MAL2: variants seen among roughly 807,000 people sequenced by gnomAD.
The protein encoded by MAL2 is protein MAL2.
Under a neutral mutation model 18.1 loss-of-function variants are expected in MAL2, and 17 were observed. The observed-to-expected ratio is 0.94, with a 90% CI of 0.64 to 1.41. MAL2 has a LOEUF of 1.41. MAL2 is among the 40% of genes most tolerant of loss of function. The pLI is 0.00. For synonymous variants in MAL2, 102 were observed against 102.3 expected (o/e 1.00, Z 0.02); for missense variants, 222 against 231.9 (o/e 0.96, Z 0.28).
At chr8:119,209,068 TG>T (rs147089382) in intron 1 of MAL2, 56,576 of 164,600 alleles carry the variant, frequency 0.34, 10,630 homozygotes, top group Non-Finnish European at 0.44. Flanking sequence ...CTGTGGAAAG[TG>T]GGGGCGGGAG....
Position 119,208,619 on chromosome 8 carries a change from C to CGGAGCGAGGGTCGCGCGG in MAL2, c.132+25_132+42dup. 1 of 1,306,584 alleles carries CGGAGCGAGGGTCGCGCGG rather than the reference C, an allele frequency of 7.7e-7. No homozygotes were observed. The highest frequency in any genetic ancestry group is 9.7e-7 in the Non-Finnish European group (1 of 1,025,720). 80.9% of individuals were successfully genotyped at this position (1,306,584 alleles called of 1,614,324 possible). A position where few individuals can be genotyped will look rare whatever the true frequency, so the allele number is the denominator to read the frequency against. On this transcript the variant is annotated intron_variant, in intron 1 of 3. Transcript: ENST00000614891. The surrounding 1 kb of genome is among the most constrained non-coding windows in gnomAD (Gnocchi z 4.3). ...GCCTGGAGATTGTAAGTGGGGCCGC[C>CGGAGCGAGGGTCGCGCGG]GGAGCGAGGGTCGCGCGGGGAGCGA...
rs918947010 is a variant in MAL2, at chr8:119,221,514, T to C, written c.133-73T>C. 7.7e-6 allele frequency: 12 copies of C among 1,567,566 alleles called. 1 individual carries two copies. In the East Asian group the frequency reaches 2.7e-4, roughly 35 times the overall value. Reference sequence around the variant, plus strand: ...AAAATGAAGGCAATGCTGAGGGTAATACAAGCATGTTTAATTCTGTTGTGT... The same window carrying C: ...AAAATGAAGGCAATGCTGAGGGTAACACAAGCATGTTTAATTCTGTTGTGT... On this transcript the variant is annotated intron_variant, in intron 1 of 3. Coordinates refer to ENST00000614891, the MANE Select transcript of MAL2 (RefSeq NM_052886.3).
In MAL2 at chr8:119,208,367, C is replaced by T. The variant is rs1817214551; in HGVS notation, c.-106C>T. ...CCACGCCTCCTCCCGCGCGGCGCGC[C>T]CGGAGCCCGCGGAGCTGAGCGGCGG... On this transcript the variant is annotated 5_prime_UTR_variant, in exon 1 of 4. Transcript: ENST00000614891. This position sits in a 1 kb window ranked among gnomAD's most constrained non-coding sequence, Gnocchi z 4.3. 3 of 579,560 alleles carry T rather than the reference C, an allele frequency of 5.2e-6. No homozygotes were observed. The highest frequency in any genetic ancestry group is 2.8e-4 in the East Asian group (2 of 7,172). The allele number at this position is 579,560 out of a possible 1,614,324, so 35.9% of individuals were successfully genotyped here.
Position 119,221,722 on chromosome 8 carries a change from A to G in MAL2, c.268A>G (p.Met90Val), listed in dbSNP as rs1287818194. 2.5e-6 allele frequency: 4 copies of G among 1,613,832 alleles called. No homozygotes were observed. Among genetic ancestry groups the G allele is most frequent in the African/African-American group, 1.3e-5 (1 of 75,022 alleles). ...CTTTCTGGGCATGTTCCTCTCTGGCATGGTGGCTCAAATTGATGCTAACTG... is the reference window on the plus strand; with the variant it reads ...CTTTCTGGGCATGTTCCTCTCTGGCGTGGTGGCTCAAATTGATGCTAACTG... ...LLFLGMFLSG[M>V]VAQIDANWNF... is the part of the protein sequence containing the mutation. The change falls in exon 2 of 4, where the codon ATG becomes GTG. Residue 90 changes from methionine (M) to valine (V), a missense_variant. Transcript: ENST00000614891.
intron 1 of MAL2, among the ~76,000 whole-genome samples, chr8:119,216,869 G>A (rs1817364247): frequency 1.3e-5 from 2 of 152,162 alleles, no homozygotes. Flanking sequence ...ATACTAAGAT[G>A]GAGGTGTCAA....
chr8:119,243,266 CAA>C (rs201266588), intron 3 of MAL2, 149 bp from the exon 4 acceptor site: 5,717 of 444,238 alleles, frequency 0.013, 224 homozygotes, highest in African/African-American at 0.1. Flanking sequence ...TACAAATCAT[CAA>C]AAAAAAAAAA....
intron 1 of MAL2, among the ~76,000 whole-genome samples, chr8:119,210,070 G>A (rs1287388726): frequency 1.3e-5 from 2 of 152,178 alleles, no homozygotes; most frequent in Middle Eastern, 3.4e-3. Context: ...TGCCATATCC[G>A]CATTCCACCT....
Position 119,227,139 on chromosome 8 carries a change from A to G in MAL2, c.303+5382A>G, listed in dbSNP as rs140265175. ...GTCAAAGAGTTTGTTGTAGTAGACA[A>G]TGTAAGTAAATTGTTACAAAATTAA... On this transcript the variant is annotated intron_variant, in intron 2 of 3. Transcript: ENST00000614891. 5.9e-5 allele frequency among the ~76,000 whole-genome samples: 9 copies of G among 152,352 alleles called. No homozygotes were observed. In the East Asian group the frequency reaches 1.5e-3, roughly 26 times the overall value.
At position 119,237,040 on chromosome 8, in the gene MAL2, C is replaced by T. The variant is rs541765689; in HGVS notation, c.304-3125C>T. ...GAAAGGATCAACAAAATTGATAGAC[C>T]GCTAGCAAGACTAATAAAGAAAAAA... On this transcript the variant is annotated intron_variant, in intron 2 of 3. Coordinates refer to ENST00000614891, the MANE Select transcript of MAL2 (RefSeq NM_052886.3). Among the ~76,000 whole-genome samples, 719 of 151,920 alleles carry T rather than the reference C, an allele frequency of 4.7e-3. 7 individuals carry two copies. The highest frequency in any genetic ancestry group is 0.012 in the African/African-American group (489 of 41,344).
At chr8:119,241,999 A>T (rs1818057020) in intron 3 of MAL2, among the ~76,000 whole-genome samples, 1 of 152,150 alleles carries the variant, frequency 6.6e-6, no homozygotes, top group Non-Finnish European at 1.5e-5. Flanking sequence ...CCTTGGTTTT[A>T]ACAGCTTTAC....
chr8:119,234,768 C>G (rs1817837955), intron 2 of MAL2, among the ~76,000 whole-genome samples: 1 of 151,294 alleles, frequency 6.6e-6, no homozygotes, highest in African/African-American at 2.5e-5. Context: ...AGAAGGAAAA[C>G]TAACAAACAG....
chr8:119,211,742 C>A (rs1002289194), intron 1 of MAL2, among the ~76,000 whole-genome samples: 4 of 147,044 alleles, frequency 2.7e-5, no homozygotes, highest in Non-Finnish European at 4.5e-5. Flanking sequence ...GTGTGTTCCA[C>A]TCCTGGATAC....
chr8:119,236,590 C>G (rs1156914753), intron 2 of MAL2, among the ~76,000 whole-genome samples: 1 of 151,714 alleles, frequency 6.6e-6, no homozygotes, highest in Non-Finnish European at 1.5e-5. Context: ...TTATAACAAA[C>G]TCTCTCAGAC....
At chr8:119,239,796 A>T (rs2129918435) in intron 2 of MAL2, among the ~76,000 whole-genome samples, 1 of 152,150 alleles carries the variant, frequency 6.6e-6, no homozygotes, top group Middle Eastern at 3.4e-3. Flanking sequence ...TAGGAGATAT[A>T]CCTAATGCTA....
chr8:119,221,792 G>T, intron 2 of MAL2, 35 bp downstream of exon 2: 1 of 1,603,726 alleles, frequency 6.2e-7, no homozygotes. Context: ...ATTGCAGGAA[G>T]ATGGGAGAAA....
chr8:119,231,101 G>C (rs545740426), intron 2 of MAL2, among the ~76,000 whole-genome samples: 187 of 152,036 alleles, frequency 1.2e-3, no homozygotes, highest in African/African-American at 4.2e-3. Flanking sequence ...ATGCAGTCTT[G>C]GCTCACTGCA....
At chr8:119,216,574 T>G (rs1264508026) in intron 1 of MAL2, among the ~76,000 whole-genome samples, 2 of 152,222 alleles carry the variant, frequency 1.3e-5, no homozygotes, top group East Asian at 3.9e-4. Context: ...CTTCAACTTC[T>G]TACTCTAACT....
At chr8:119,219,582 A>AGAGG (rs1817430410) in intron 1 of MAL2, among the ~76,000 whole-genome samples, 1 of 151,860 alleles carries the variant, frequency 6.6e-6, no homozygotes, top group South Asian at 2.1e-4. Context: ...AGAGAGAGAG[A>AGAGG]GAGATTGATT....
At chr8:119,232,698 CATA>C (rs1422591848) in intron 2 of MAL2, among the ~76,000 whole-genome samples, 5 of 152,096 alleles carry the variant, frequency 3.3e-5, no homozygotes, top group African/African-American at 1.2e-4. Context: ...AATAAAATTA[CATA>C]ATGTGTATGA....
Sources: allele counts gnomAD v4.1 joint callset (sites outside exome capture counted in the v4.1 genomes callset), GRCh38; gene constraint gnomAD v4.1.1; non-coding constraint Gnocchi (gnomAD v3.1); transcripts MANE v1.5; gene names NCBI Gene and HGNC (gene_info 2026-07-23, HGNC 2026-07-21).